TNFSF18: variants seen among roughly 807,000 people sequenced by gnomAD.
TNFSF18 encodes the protein tumor necrosis factor ligand superfamily member 18.
In TNFSF18, 6 loss-of-function variants were observed where a neutral mutation model predicts 9.6. The observed-to-expected ratio is 0.63, with a 90% CI of 0.34 to 1.24. The LOEUF (loss-of-function observed/expected upper bound fraction) is 1.24. TNFSF18 is among the 50% of genes most tolerant of loss of function. The probability of loss-of-function intolerance (pLI) is 0.03; values close to 1 mark genes in which losing one functional copy is unlikely to be tolerated. For missense variants in TNFSF18, 210 were observed against 201.0 expected (o/e 1.04, Z -0.27); for synonymous variants, 68 against 71.7 (o/e 0.95, Z 0.26).
chr1:173,041,068 C>G lies in TNFSF18; in HGVS notation c.*299G>C, dbSNP rs79468132. 4.8e-3 allele frequency: 1,152 copies of G among 239,368 alleles called. 13 individuals are homozygous for G. The highest frequency in any genetic ancestry group is 0.024 in the African/African-American group (1,087 of 44,680). 14.8% of individuals were successfully genotyped at this position (239,368 alleles called of 1,614,324 possible). A position where few individuals can be genotyped will look rare whatever the true frequency, so the allele number is the denominator to read the frequency against. On this transcript the variant is annotated 3_prime_UTR_variant, in exon 3 of 3. Coordinates refer to ENST00000404377, the MANE Select transcript of TNFSF18 (RefSeq NM_005092.4). ...TCCATGGGAATAGAACTCCATTTTT[C>G]CACTCATGAATTCAAGAATTAGATA... is the stretch of plus-strand genomic sequence containing the variant.
rs1664970630 is a variant in TNFSF18 at position 173,040,381 on chromosome 1, T to C, written c.*986A>G. On this transcript the variant is annotated 3_prime_UTR_variant, in exon 3 of 3. Transcript: ENST00000404377. ...AATAACAATTCTAAAGCTGAGACAG[T>C]GCAATGCAGGGGACTACCCATTGCC... The C allele has an allele frequency of 6.6e-6, 1 of 152,180 alleles. No individual in the cohort carries two copies. Among genetic ancestry groups the C allele is most frequent in the African/African-American group, 2.4e-5 (1 of 41,460 alleles). The allele number at this position is 152,180 out of a possible 1,614,324, so 9.4% of individuals were successfully genotyped here.
At chr1:173,044,075 A>G (rs1214815281) in intron 1 of TNFSF18, 106 bp from the exon 2 acceptor site, 6 of 1,048,522 alleles carry the variant, frequency 5.7e-6, no homozygotes, top group Admixed American at 5.6e-5. Flanking sequence ...CTAGTGTTCT[A>G]TAACCATAAA....
At chr1:173,044,843 A>T (rs67164519) in intron 1 of TNFSF18, among the ~76,000 whole-genome samples, 31,627 of 152,116 alleles carry the variant, frequency 0.21, 4,865 homozygotes, top group East Asian at 0.75. Flanking sequence ...GCAAGAGAGC[A>T]TGGTGTCTCT....
rs1037632760 is a variant in TNFSF18 at position 173,039,737 on chromosome 1, TATACAC to T, written c.*1624_*1629del. Among the ~76,000 whole-genome samples the T allele has an allele frequency of 6.7e-6, 1 of 148,476 alleles. No homozygotes were observed. Among genetic ancestry groups the T allele is most frequent in the Non-Finnish European group, 1.5e-5 (1 of 67,090 alleles). Reference sequence around the variant, plus strand: ...GTATACATATATATACACACACACATATACACACACACACACACACACACACACATA... The same window carrying T: ...GTATACATATATATACACACACACATACACACACACACACACACACACATA... On this transcript the variant is annotated 3_prime_UTR_variant, in exon 3 of 3. Transcript: ENST00000404377.
intron 1 of TNFSF18, among the ~76,000 whole-genome samples, 180 bp downstream of exon 1, chr1:173,050,561 C>T (rs1409285504): frequency 6.6e-6 from 1 of 152,094 alleles, no homozygotes; most frequent in African/African-American, 2.4e-5. Flanking sequence ...TATCTCAAAA[C>T]CTTTAGATAA....
chr1:173,039,737 T>TAC lies in TNFSF18; in HGVS notation c.*1629_*1630insGT, dbSNP rs201928707. On this transcript the variant is annotated 3_prime_UTR_variant, in exon 3 of 3. Coordinates refer to ENST00000404377, the MANE Select transcript of TNFSF18 (RefSeq NM_005092.4). Reference sequence around the variant, plus strand: ...GTATACATATATATACACACACACATATACACACACACACACACACACACA... The same window carrying TAC: ...GTATACATATATATACACACACACATACATACACACACACACACACACACACA... 2.3e-3 allele frequency among the ~76,000 whole-genome samples: 338 copies of TAC among 148,574 alleles called. No homozygotes were observed. The highest frequency in any genetic ancestry group is 7.9e-3 in the East Asian group (39 of 4,950).
intron 1 of TNFSF18, among the ~76,000 whole-genome samples, chr1:173,047,892 G>T (rs1221502352): frequency 1.3e-5 from 2 of 152,132 alleles, no homozygotes; most frequent in Non-Finnish European, 2.9e-5. Context: ...GATTGAGAGA[G>T]TGATATAGGT....
At position 173,039,690 on chromosome 1, in the gene TNFSF18, C is replaced by T. The variant is rs1255815949; in HGVS notation, c.*1677G>A. Reference sequence around the variant, plus strand: ...ACATTGCTTATAACACAACAAAGATCAAGAACACCAAGATTTTATAAGTAT... The same window carrying T: ...ACATTGCTTATAACACAACAAAGATTAAGAACACCAAGATTTTATAAGTAT... On this transcript the variant is annotated 3_prime_UTR_variant, in exon 3 of 3. Transcript: ENST00000404377. Among the ~76,000 whole-genome samples the T allele has an allele frequency of 6.6e-6, 1 of 151,542 alleles. No homozygotes were observed.
chr1:173,041,357 A>G lies in TNFSF18; in HGVS notation c.*10T>C. 6.3e-7 allele frequency: 1 copy of G among 1,587,584 alleles called. No homozygotes were observed. The highest frequency in any genetic ancestry group is 8.6e-7 in the Non-Finnish European group (1 of 1,165,274). Reference sequence around the variant, plus strand: ...TGTGCTGAAGGGAATGAGGAGATCAAATCAAGTCTCTAGGAGATGAATTGG... The same window carrying G: ...TGTGCTGAAGGGAATGAGGAGATCAGATCAAGTCTCTAGGAGATGAATTGG... On this transcript the variant is annotated 3_prime_UTR_variant, in exon 3 of 3. Coordinates refer to ENST00000404377, the MANE Select transcript of TNFSF18 (RefSeq NM_005092.4).
rs543738668 is a variant in TNFSF18, at chr1:173,042,103, G to A, written c.188-390C>T. Among the ~76,000 whole-genome samples the A allele has an allele frequency of 2.0e-4, 30 of 152,212 alleles. No homozygotes were observed. In the South Asian group the frequency reaches 4.6e-3, roughly 23 times the overall value. ...AGTCCATGCCTTTCCAGGCATTTTCGGTGTAAATACCACTGGCTGTTTATC... is the reference window on the plus strand; with the variant it reads ...AGTCCATGCCTTTCCAGGCATTTTCAGTGTAAATACCACTGGCTGTTTATC... On this transcript the variant is annotated intron_variant, in intron 2 of 2. Transcript: ENST00000404377.
In TNFSF18 at chr1:173,040,135, T is replaced by C. The variant is rs540930932; in HGVS notation, c.*1232A>G. Reference sequence around the variant, plus strand: ...TTTATTATTTTAGAAGTTAGCACATTTGACTAAGATGGGCCCTGCAAAGTG... The same window carrying C: ...TTTATTATTTTAGAAGTTAGCACATCTGACTAAGATGGGCCCTGCAAAGTG... On this transcript the variant is annotated 3_prime_UTR_variant, in exon 3 of 3. Transcript: ENST00000404377. The C allele has an allele frequency of 2.0e-5, 3 of 152,178 alleles. No homozygotes were observed. The highest frequency in any genetic ancestry group is 4.2e-4 in the South Asian group (2 of 4,816). 9.4% of individuals were successfully genotyped at this position (152,178 alleles called of 1,614,324 possible).
intron 1 of TNFSF18, among the ~76,000 whole-genome samples, chr1:173,044,842 C>T (rs143163883): frequency 1.3e-5 from 2 of 152,230 alleles, no homozygotes; most frequent in East Asian, 3.9e-4. Context: ...GGCAAGAGAG[C>T]ATGGTGTCTC....
rs756046992 is a variant in TNFSF18 at position 173,043,931 on chromosome 1, T to A, written c.187+8A>T. 3 of 1,611,560 alleles carry A rather than the reference T, an allele frequency of 1.9e-6. No individual in the cohort carries two copies. The African/African-American group carries it at 4.0e-5, about 22-fold the overall frequency. ...AAAAGTAAAAGACATGCAAGATAGG[T>A]TACTCACCAAACTTAGCCATACAGG... On this transcript the variant is annotated splice_region_variant and intron_variant, in intron 2 of 2. Coordinates refer to ENST00000404377, the MANE Select transcript of TNFSF18 (RefSeq NM_005092.4).
chr1:173,049,554 T>C (rs1052237831), intron 1 of TNFSF18, among the ~76,000 whole-genome samples: 1 of 152,142 alleles, frequency 6.6e-6, no homozygotes, highest in African/African-American at 2.4e-5. Flanking sequence ...TGGGCTACTG[T>C]GGAAAAATTG....
At position 173,044,090 on chromosome 1, in the gene TNFSF18, A is replaced by T. The variant is rs1035451923; in HGVS notation, c.157-121T>A. 5 of 947,364 alleles carry T rather than the reference A, an allele frequency of 5.3e-6. No individual in the cohort carries two copies. In the African/African-American group the frequency reaches 6.6e-5, roughly 12 times the overall value. The allele number at this position is 947,364 out of a possible 1,614,324, so 58.7% of individuals were successfully genotyped here. A position where few individuals can be genotyped will look rare whatever the true frequency, so the allele number is the denominator to read the frequency against. On this transcript the variant is annotated intron_variant, in intron 1 of 2. Transcript: ENST00000404377. ...CTAGTGTTCTATAACCATAAAAAAA[A>T]TCCTTCCCTTCACCATGTCTCAGCC...
intron 2 of TNFSF18, among the ~76,000 whole-genome samples, chr1:173,042,179 C>T (rs1030892243): frequency 1.3e-5 from 2 of 152,120 alleles, no homozygotes; most frequent in African/African-American, 2.4e-5. Context: ...AAGTGTTCTC[C>T]TATCATTCCC....
intron 1 of TNFSF18, among the ~76,000 whole-genome samples, chr1:173,045,899 G>A (rs1198567547): frequency 6.6e-6 from 1 of 152,164 alleles, no homozygotes; most frequent in Admixed American, 6.6e-5. Flanking sequence ...ATGCCAATGA[G>A]TTGTTGATAT....
chr1:173,045,211 T>C (rs1665059541), intron 1 of TNFSF18, among the ~76,000 whole-genome samples: 1 of 152,128 alleles, frequency 6.6e-6, no homozygotes, highest in Non-Finnish European at 1.5e-5. Flanking sequence ...GAGGCCATCA[T>C]GTTAGTGGGT....
intron 2 of TNFSF18, 27 bp from the exon 3 acceptor site, chr1:173,041,740 AG>A (rs753387485): frequency 6.6e-7 from 1 of 1,517,304 alleles, no homozygotes; most frequent in Non-Finnish European, 8.9e-7. Context: ...AGGATAAAAA[AG>A]ATGAAAGCAT....
Sources: gnomAD v4.1 joint callset for allele counts (sites outside exome capture counted in the v4.1 genomes callset) on GRCh38, gnomAD v4.1.1 for gene constraint, MANE v1.5 for transcripts, NCBI Gene and HGNC (gene_info 2026-07-23, HGNC 2026-07-21) for gene names.